Variants in PASD1 observed in about 807,000 individuals in gnomAD.
The protein encoded by PASD1 is circadian clock protein PASD1.
A neutral mutation model predicts 58.8 loss-of-function variants in PASD1; 13 were observed. The ratio of observed to expected loss-of-function variants is 0.22; its 90% CI spans 0.14 to 0.35. The LOEUF is 0.35. Among genes scored for constraint, PASD1 ranks in the 10% least tolerant of loss-of-function variants. PASD1 has a pLI of 1.00. For missense variants in PASD1, 734 were observed against 568.3 expected (o/e 1.29, Z -2.96); for synonymous variants, 236 against 216.7 (o/e 1.09, Z -0.78).
In PASD1 at chrX:151,601,564, G is replaced by T. The variant is rs889040650; in HGVS notation, c.11G>T (p.Arg4Ile). MKMRGEKRRDKVNP... is the reference protein window; with the variant it reads MKMIGEKRRDKVNP... ...GTCACTGAATAATGAATGAAGATGA[G>T]AGGGGAAAAGAGAAGAGGTATGCAT... is the stretch of plus-strand genomic sequence containing the variant. Residue 4 changes from arginine (R) to isoleucine (I), a missense_variant, in exon 2 of 16, where the codon AGA becomes ATA. Coordinates refer to ENST00000370357, the MANE Select transcript of PASD1 (RefSeq NM_173493.3). The T allele has an allele frequency of 2.5e-6, 3 of 1,209,198 alleles. No homozygotes were observed. In the Admixed American group the frequency reaches 6.5e-5, roughly 26 times the overall value.
At chrX:151,581,227 C>CAAAAAAAAAATAAAAAAAAAA (rs2013087072) in intron 1 of PASD1, among the ~76,000 whole-genome samples, 1 of 31,505 alleles carries the variant, frequency 3.2e-5, no homozygotes, top group African/African-American at 1.0e-4. Flanking sequence ...AGCTCTGTAT[C>CAAAAAAAAAATAAAAAAAAAA]AAAAAAAAAA....
chrX:151,638,897 G>A (rs1304916056), intron 8 of PASD1, among the ~76,000 whole-genome samples: 1 of 111,370 alleles, frequency 9.0e-6, no homozygotes, highest in Non-Finnish European at 1.9e-5. Flanking sequence ...ATTGTTTTTG[G>A]TATATGGATG....
intron 7 of PASD1, among the ~76,000 whole-genome samples, chrX:151,624,535 A>G (rs566423249): frequency 1.5e-4 from 17 of 111,759 alleles, no homozygotes; most frequent in Middle Eastern, 4.6e-3. Context: ...TTCTTTTTCT[A>G]TAAATGGCAG....
Position 151,664,285 on chromosome X carries a change from C to A in PASD1, c.1008C>A (p.Gly336=), listed in dbSNP as rs770285027. ...CAGTTGCCCCGTTGGACCAGGCAGG[C>A]CTGATGGATCCAGTGGATCCAGAGG... ...ENPVAPLDQA[G]LMDPVDPEDS... Residue 336 remains glycine, a synonymous_variant, in exon 11 of 16, where the codon GGC becomes GGA. Coordinates refer to ENST00000370357, the MANE Select transcript of PASD1 (RefSeq NM_173493.3). 2.5e-6 allele frequency: 3 copies of A among 1,211,305 alleles called. No individual in the cohort carries two copies. The highest frequency in any genetic ancestry group is 3.5e-5 in the South Asian group (2 of 56,942).
chrX:151,666,558 T>A (rs2014385841), intron 11 of PASD1, among the ~76,000 whole-genome samples: 2 of 101,572 alleles, frequency 2.0e-5, no homozygotes, highest in East Asian at 3.2e-4. Context: ...TGACAGGCCC[T>A]GGTGTGTGAT....
chrX:151,676,106 T>TG lies in PASD1; in HGVS notation c.2286dup (p.Pro763AlafsTer6). The TG allele has an allele frequency of 8.3e-7, 1 of 1,210,280 alleles. No homozygotes were observed. The highest frequency in any genetic ancestry group is 1.1e-6 in the Non-Finnish European group (1 of 895,039). ...AGATCTGCGGAGCAGACCAGATTGA[T>TG]GCCTGCAGAGCAACGTGACTCAAAT... On this transcript the variant is annotated frameshift_variant, in exon 16 of 16. Transcript: ENST00000370357. LOFTEE classifies it low-confidence loss of function (END_TRUNC).
chrX:151,565,749 G>C (rs897824495), intron 1 of PASD1, among the ~76,000 whole-genome samples: 1 of 109,962 alleles, frequency 9.1e-6, no homozygotes, highest in Admixed American at 9.7e-5. Flanking sequence ...TAGTAGAGAC[G>C]GGGTTTCACC....
intron 1 of PASD1, among the ~76,000 whole-genome samples, chrX:151,599,369 G>A (rs2013369038): frequency 8.8e-6 from 1 of 113,004 alleles, no homozygotes; most frequent in South Asian, 3.6e-4. Context: ...GCCGGGCAGA[G>A]GGACTCCTCA....
chrX:151,624,994 A>G (rs983828632), intron 7 of PASD1, among the ~76,000 whole-genome samples: 5 of 112,010 alleles, frequency 4.5e-5, no homozygotes, highest in Non-Finnish European at 9.4e-5. Flanking sequence ...CTTTTCTGAG[A>G]AACAGAAAAA....
intron 10 of PASD1, among the ~76,000 whole-genome samples, chrX:151,662,959 C>G (rs752949880): frequency 6.3e-5 from 7 of 111,588 alleles, no homozygotes; most frequent in Non-Finnish European, 1.3e-4. Flanking sequence ...TATTTCTCAC[C>G]CCCATCACTG....
intron 8 of PASD1, among the ~76,000 whole-genome samples, chrX:151,634,564 A>G (rs746306588): frequency 5.4e-5 from 6 of 111,153 alleles, no homozygotes; most frequent in African/African-American, 2.0e-4. Flanking sequence ...TTAAACTGGA[A>G]TAGTTTCCCA....
chrX:151,571,503 C>T (rs981714378), intron 1 of PASD1, among the ~76,000 whole-genome samples: 3 of 111,504 alleles, frequency 2.7e-5, no homozygotes, highest in African/African-American at 9.8e-5. Context: ...TCCCTTGGGG[C>T]GCTCAAGTGA....
chrX:151,567,614 G>A lies in PASD1; in HGVS notation c.-28+3775G>A, dbSNP rs776494939. The stretch of plus-strand genomic sequence containing the variant: ...GTGACTTAGACTCTGTCTGAATGTT[G>A]ATAGGCAAAGGTCTGTGTGACAAAG... On this transcript the variant is annotated intron_variant, in intron 1 of 15. Transcript: ENST00000370357. 4.5e-5 allele frequency among the ~76,000 whole-genome samples: 5 copies of A among 111,991 alleles called. No individual in the cohort carries two copies. The South Asian group carries it at 1.9e-3, about 42-fold the overall frequency.
chrX:151,641,360 A>G (rs1179882310), intron 8 of PASD1, among the ~76,000 whole-genome samples: 2 of 111,832 alleles, frequency 1.8e-5, no homozygotes, highest in African/African-American at 3.3e-5. Flanking sequence ...TTTCTTAGCT[A>G]TGCCATAAAA....
intron 10 of PASD1, 90 bp from the exon 11 acceptor site, chrX:151,664,029 A>T: frequency 8.7e-7 from 1 of 1,143,425 alleles, no homozygotes; most frequent in Non-Finnish European, 1.2e-6. Flanking sequence ...CATCCTTAAC[A>T]TGGGCTAAAA....
intron 8 of PASD1, among the ~76,000 whole-genome samples, chrX:151,626,922 G>T (rs1041919911): frequency 8.9e-6 from 1 of 111,854 alleles, no homozygotes; most frequent in African/African-American, 3.2e-5. Context: ...CCCATCAGAA[G>T]AGTACAGAGG....
intron 8 of PASD1, among the ~76,000 whole-genome samples, chrX:151,646,022 C>T (rs2014057362): frequency 9.1e-6 from 1 of 110,370 alleles, no homozygotes; most frequent in South Asian, 3.9e-4. Context: ...GTGATCTTCC[C>T]ACTTCAGCCT....
intron 9 of PASD1, among the ~76,000 whole-genome samples, chrX:151,653,928 TTC>T (rs2014202578): frequency 1.3e-5 from 1 of 75,159 alleles, no homozygotes; most frequent in African/African-American, 5.0e-5. Context: ...CTTTCTTTCT[TTC>T]TTTCTTTCTT....
intron 8 of PASD1, among the ~76,000 whole-genome samples, chrX:151,639,374 T>C (rs150989027): frequency 1.1e-3 from 122 of 112,502 alleles, no homozygotes; most frequent in African/African-American, 3.7e-3. Context: ...TCCATGAGAC[T>C]GTGTTTGCAG....
Sources: gnomAD v4.1 joint callset for allele counts (sites outside exome capture counted in the v4.1 genomes callset) on GRCh38, gnomAD v4.1.1 for gene constraint, MANE v1.5 for transcripts, NCBI Gene and HGNC (gene_info 2026-07-23, HGNC 2026-07-21) for gene names.